SASH1: variants seen among roughly 807,000 people sequenced by gnomAD.
The protein encoded by SASH1 is SAM and SH3 domain containing 1, also known as SAM and SH3 domain-containing protein 1.
Under a neutral mutation model 125.2 loss-of-function variants are expected in SASH1, and 44 were observed. The observed-to-expected ratio is 0.35, with a 90% CI of 0.28 to 0.45. The LOEUF (loss-of-function observed/expected upper bound fraction) is 0.45, where lower values mean the gene tolerates loss of function less well. Ranked by LOEUF, SASH1 falls within the 20% of genes least tolerant of loss-of-function variation. The probability of loss-of-function intolerance (pLI) is 1.00; values close to 1 mark genes in which losing one functional copy is unlikely to be tolerated. For synonymous variants in SASH1, 639 were observed against 649.1 expected (o/e 0.98, Z 0.24); for missense variants, 1,426 against 1,614.5 (o/e 0.88, Z 2.00).
At chr6:148,441,389 G>C (rs1010491965) in intron 4 of SASH1, among the ~76,000 whole-genome samples, 18 of 151,928 alleles carry the variant, frequency 1.2e-4, no homozygotes, top group African/African-American at 2.9e-4. Context: ...TGTGGGTTTT[G>C]TTCTGGTCTG....
chr6:148,531,463 G>GAATT (rs1781510541), intron 12 of SASH1, 63 bp from the exon 13 acceptor site: 8 of 1,372,620 alleles, frequency 5.8e-6, no homozygotes, highest in East Asian at 2.7e-5. Flanking sequence ...AAGTCGCTGA[G>GAATT]AATTACAAAA....
chr6:148,506,334 G>A (rs1051087733), intron 8 of SASH1, among the ~76,000 whole-genome samples: 4 of 151,910 alleles, frequency 2.6e-5, no homozygotes, highest in African/African-American at 9.7e-5. Context: ...AATTAGCTGG[G>A]CATACTGGCG....
At chr6:148,284,958 T>C (rs913877917) in intron 1 of SASH1, among the ~76,000 whole-genome samples, 36 of 152,188 alleles carry the variant, frequency 2.4e-4, no homozygotes, top group African/African-American at 7.5e-4. Context: ...GTTTAATATT[T>C]AATACTTTTT....
In SASH1 at chr6:148,343,176, A is replaced by C; in HGVS notation, c.109A>C (p.Thr37Pro). 1 of 1,600,324 alleles carries C rather than the reference A, an allele frequency of 6.2e-7. No individual in the cohort carries two copies. The highest frequency in any genetic ancestry group is 8.5e-7 in the Non-Finnish European group (1 of 1,179,204). Residue 37 changes from threonine (T) to proline (P), a missense_variant, in exon 1 of 20, where the codon ACA becomes CCA. Physicochemically the swap from Thr to Pro is conservative, Grantham distance 38. This residue lies in a region of SASH1 where 567 missense variants were observed against 575.6 expected (regional missense o/e 0.99). Transcript: ENST00000367467. ...PEPEPKPGAG[T>P]SEAFSRLWTD... The stretch of plus-strand genomic sequence containing the variant: ...ACCGGAGCCCAAGCCGGGTGCTGGC[A>C]CATCCGAGGCGTTCTCCCGACTCTG...
chr6:148,375,384 C>CTTT (rs5880777), intron 1 of SASH1, among the ~76,000 whole-genome samples: 3 of 144,246 alleles, frequency 2.1e-5, no homozygotes, highest in Admixed American at 7.0e-5. Context: ...ACATAGTTAA[C>CTTT]TTTTTTTTTT....
At chr6:148,227,414 G>A in the SASH1 span, among the ~76,000 whole-genome samples, 5 of 152,152 alleles carry the variant, frequency 3.3e-5, no homozygotes, top group Non-Finnish European at 7.3e-5. Context: ...CTGGGGTGCA[G>A]TGGTGCAATC....
rs1582972338 is a variant in SASH1 at position 148,328,785 on chromosome 6, C to G, written n.74+56408C>G. Among the ~76,000 whole-genome samples the G allele has an allele frequency of 4.6e-5, 7 of 152,246 alleles. No homozygotes were observed. In the South Asian group the frequency reaches 1.5e-3, roughly 32 times the overall value. On this transcript the variant is annotated intron_variant and non_coding_transcript_variant, in intron 1 of 3. Transcript: ENST00000367469. Reference sequence around the variant, plus strand: ...AGTGAATGATTGATTTGTCCCCTTGCTGTCATTTATCTTTACATTATTACA... The same window carrying G: ...AGTGAATGATTGATTTGTCCCCTTGGTGTCATTTATCTTTACATTATTACA...
At chr6:148,414,264 T>A (rs574114482) in intron 2 of SASH1, among the ~76,000 whole-genome samples, 1 of 152,250 alleles carries the variant, frequency 6.6e-6, no homozygotes, top group Non-Finnish European at 1.5e-5. Context: ...TTCCCATATG[T>A]ATATTCATGT....
the SASH1 span, among the ~76,000 whole-genome samples, chr6:148,221,127 T>C: frequency 6.6e-6 from 1 of 152,244 alleles, no homozygotes; most frequent in Non-Finnish European, 1.5e-5. Context: ...CACGTCTTAC[T>C]GCAGATTGAA....
chr6:148,454,177 G>A (rs1257335621), intron 4 of SASH1, among the ~76,000 whole-genome samples: 1 of 152,074 alleles, frequency 6.6e-6, no homozygotes, highest in Non-Finnish European at 1.5e-5. Context: ...TCCTTCCTCA[G>A]GAGCTCCACA....
At chr6:148,278,326 C>T (rs1779245008) in intron 1 of SASH1, among the ~76,000 whole-genome samples, 1 of 152,062 alleles carries the variant, frequency 6.6e-6, no homozygotes, top group East Asian at 1.9e-4. Context: ...CGTGAGCCAC[C>T]GCACCCGGCC....
At chr6:148,387,079 GTC>G (rs147664687) in intron 1 of SASH1, among the ~76,000 whole-genome samples, 42 of 123,324 alleles carry the variant, frequency 3.4e-4, no homozygotes, top group South Asian at 5.0e-4. Flanking sequence ...TTCTCCCTCT[GTC>G]TCTCTCTCTC....
chr6:148,415,888 AAG>A (rs1332498147), intron 2 of SASH1, among the ~76,000 whole-genome samples: 2 of 152,234 alleles, frequency 1.3e-5, no homozygotes, highest in Non-Finnish European at 2.9e-5. Context: ...AGCTCTTTTA[AAG>A]AGAGAATTAG....
intron 12 of SASH1, 92 bp from the exon 13 acceptor site, chr6:148,531,430 TTTGA>T: frequency 1.8e-6 from 2 of 1,098,692 alleles, no homozygotes; most frequent in Admixed American, 2.9e-5. Context: ...TATAGATTGA[TTTGA>T]TTGATTTCGT....
At chr6:148,278,881 A>G (rs1247568951) in intron 1 of SASH1, 1 of 152,214 alleles carries the variant, frequency 6.6e-6, no homozygotes, top group African/African-American at 2.4e-5. Flanking sequence ...TCATCACTAA[A>G]CTGCTCCCAA....
chr6:148,462,389 T>G (rs1249597383), intron 4 of SASH1, among the ~76,000 whole-genome samples: 1 of 152,126 alleles, frequency 6.6e-6, no homozygotes, highest in Non-Finnish European at 1.5e-5. Flanking sequence ...TGTTTATGCT[T>G]GGCCATTCAT....
At chr6:148,540,635 T>G in intron 17 of SASH1, 79 bp downstream of exon 17, 1 of 1,034,156 alleles carries the variant, frequency 9.7e-7, no homozygotes, top group South Asian at 1.4e-5. Context: ...AAAGGACGAT[T>G]CTATTCCTGT....
upstream of SASH1, among the ~76,000 whole-genome samples, chr6:148,267,469 C>T (rs1227913954): frequency 6.6e-6 from 1 of 151,650 alleles, no homozygotes; most frequent in Non-Finnish European, 1.5e-5. Context: ...AGCTCCACCT[C>T]CTGAGTTCAA....
chr6:148,451,806 T>A (rs1305411834), intron 4 of SASH1, among the ~76,000 whole-genome samples: 6 of 152,180 alleles, frequency 3.9e-5, no homozygotes, highest in Non-Finnish European at 7.4e-5. Context: ...GGTCTGTGAG[T>A]TTGCTAGGAA....
Sources: gnomAD v4.1 joint callset for allele counts (sites outside exome capture counted in the v4.1 genomes callset) on GRCh38, gnomAD v4.1.1 for gene constraint, gnomAD v4.1.1 regional missense constraint, MANE v1.5 for transcripts, NCBI Gene and HGNC (gene_info 2026-07-23, HGNC 2026-07-21) for gene names.